MAP4: variants seen among roughly 807,000 people sequenced by gnomAD.
MAP4 encodes microtubule-associated protein 4.
In MAP4, 76 loss-of-function variants were observed where a neutral mutation model predicts 170.2. That is an observed-to-expected ratio of 0.45 (90% CI 0.37 to 0.54). The LOEUF is 0.54. Among genes scored for constraint, MAP4 ranks in the 20% least tolerant of loss-of-function variants. The pLI, the probability that MAP4 is intolerant of heterozygous loss-of-function variation, is 0.00. For synonymous variants in MAP4, 909 were observed against 994.5 expected, an observed-to-expected ratio of 0.91 and a Z score of 1.62; for missense variants, 2,506 against 2,748.0, an observed-to-expected ratio of 0.91 and a Z score of 1.97.
intron 3 of MAP4, among the ~76,000 whole-genome samples, chr3:47,942,715 C>T (rs1466351198): frequency 6.6e-6 from 1 of 152,196 alleles, no homozygotes; most frequent in Non-Finnish European, 1.5e-5. Context: ...CATATACATA[C>T]ATATCTTACA....
At chr3:48,047,720 G>A (rs1002832140) in intron 1 of MAP4, among the ~76,000 whole-genome samples, 1 of 152,098 alleles carries the variant, frequency 6.6e-6, no homozygotes, top group Non-Finnish European at 1.5e-5. Flanking sequence ...TAAACACATG[G>A]GTGTTTTGGT....
chr3:48,030,796 C>T (rs528315833), intron 1 of MAP4, among the ~76,000 whole-genome samples: 2 of 52,958 alleles, frequency 3.8e-5, no homozygotes, highest in South Asian at 1.4e-3. Context: ...AAGACTCCAT[C>T]TCAAAAAAAA....
intron 1 of MAP4, among the ~76,000 whole-genome samples, chr3:48,084,419 G>A (rs1339146781): frequency 2.7e-5 from 4 of 148,932 alleles, no homozygotes; most frequent in Non-Finnish European, 5.9e-5. Flanking sequence ...AAAGAATCAC[G>A]AAAGTAATTG....
chr3:47,953,774 G>T (rs1418510013), intron 3 of MAP4, among the ~76,000 whole-genome samples: 1 of 152,160 alleles, frequency 6.6e-6, no homozygotes, highest in African/African-American at 2.4e-5. Context: ...AGTACTTTGG[G>T]AGGCCGAGCC....
intron 3 of MAP4, among the ~76,000 whole-genome samples, chr3:47,945,165 C>G (rs921824541): frequency 4.0e-5 from 6 of 151,692 alleles, no homozygotes; most frequent in Non-Finnish European, 2.9e-5. Context: ...CCAGCCTGAC[C>G]CACAGGGTGA....
intron 3 of MAP4, among the ~76,000 whole-genome samples, chr3:47,976,146 A>T (rs910348049): frequency 6.6e-6 from 1 of 152,198 alleles, no homozygotes; most frequent in African/African-American, 2.4e-5. Context: ...CCAGGTGTGC[A>T]AACTATATGC....
chr3:47,973,595 A>G, intron 3 of MAP4: 14 of 984,984 alleles, frequency 1.4e-5, no homozygotes, highest in Non-Finnish European at 1.6e-5. Context: ...TCAAACAAAA[A>G]TAAGCATAAC....
intron 2 of MAP4, among the ~76,000 whole-genome samples, chr3:47,994,099 C>CAA (rs200347495): frequency 3.3e-5 from 5 of 151,454 alleles, no homozygotes; most frequent in Admixed American, 2.6e-4. Context: ...AAACTTAAAC[C>CAA]AAAAAAAACT....
At chr3:47,974,438 T>C (rs2100080744) in intron 3 of MAP4, 3 of 979,662 alleles carry the variant, frequency 3.1e-6, no homozygotes, top group Non-Finnish European at 3.6e-6. Context: ...CAAAAAACAA[T>C]GTATATCTCA....
chr3:47,916,218 G>A lies in MAP4; in HGVS notation c.1609C>T (p.Pro537Ser), dbSNP rs761081509. ...GTCAGGGCCACCTCCATTTCTGGAG[G>A]CAGACATACGTTCTTGATGAGAACT... The part of the protein sequence containing the change: ...EVVLIKNVCL[P>S]PEMEVALTED... Residue 537 changes from proline to serine, a missense_variant, in exon 7 of 21, where the codon CCT becomes TCT. Pro to Ser is a moderately conservative substitution (Grantham distance 74). Around this residue, in one of 3 missense-constraint regions of MAP4, gnomAD observed 2,008 missense variants for 2,206.0 expected, o/e 0.91. Coordinates refer to ENST00000683076, the MANE Select transcript of MAP4 (RefSeq NM_001385682.1). The A allele has an allele frequency of 1.2e-6, 2 of 1,614,078 alleles. No individual in the cohort carries two copies. Among genetic ancestry groups the A allele is most frequent in the Non-Finnish European group, 1.7e-6 (2 of 1,180,038 alleles).
intron 1 of MAP4, among the ~76,000 whole-genome samples, chr3:48,038,459 CTTTTTT>C (rs397989482): frequency 1.1e-4 from 14 of 121,990 alleles, no homozygotes; most frequent in Admixed American, 1.0e-3. Context: ...TGCACTGAAA[CTTTTTT>C]TTTTTTTTTT....
chr3:47,892,537 A>C, intron 10 of MAP4: 1 of 1,474,966 alleles, frequency 6.8e-7, no homozygotes. Flanking sequence ...TGGAGCTCTA[A>C]TACCACCTAC....
At chr3:47,918,348 G>C (rs2100040889) in intron 6 of MAP4, among the ~76,000 whole-genome samples, 2 of 151,794 alleles carry the variant, frequency 1.3e-5, no homozygotes, top group Admixed American at 6.6e-5. Flanking sequence ...TGGAACTCCT[G>C]ACCTCAAGTG....
Position 47,909,923 on chromosome 3 carries a change from C to G in MAP4, c.4498G>C (p.Val1500Leu). The G allele has an allele frequency of 6.2e-7, 1 of 1,613,990 alleles. No individual in the cohort carries two copies. The highest frequency in any genetic ancestry group is 1.7e-5 in the Admixed American group (1 of 60,020). Reference sequence around the variant, plus strand: ...ACTCCTCCTGTGCTTGTAGAGGGCACAACAGCAGAGGGACCCTTGGGTCTT... The same window carrying G: ...ACTCCTCCTGTGCTTGTAGAGGGCAGAACAGCAGAGGGACCCTTGGGTCTT... ...QERPKGPSAV[V>L]PSTSTGGVAL... The change falls in exon 9 of 21, where the codon GTG becomes CTG. Residue 1500 changes from valine (V) to leucine (L), a missense_variant. Physicochemically the swap from Val to Leu is conservative, Grantham distance 32 (BLOSUM62 1). Around this residue, in one of 3 missense-constraint regions of MAP4, gnomAD observed 2,008 missense variants for 2,206.0 expected, o/e 0.91. Coordinates refer to ENST00000683076, the MANE Select transcript of MAP4 (RefSeq NM_001385682.1).
At chr3:48,006,370 G>C (rs925386108) in intron 1 of MAP4, among the ~76,000 whole-genome samples, 13 of 152,162 alleles carry the variant, frequency 8.5e-5, no homozygotes. Flanking sequence ...GACTCCAGGG[G>C]ACTTAAAACA....
intron 1 of MAP4, among the ~76,000 whole-genome samples, chr3:48,048,891 A>C (rs147214013): frequency 6.6e-6 from 1 of 152,248 alleles, no homozygotes; most frequent in East Asian, 1.9e-4. Context: ...AAGATACAGA[A>C]CTGTTCTGCT....
intron 1 of MAP4, among the ~76,000 whole-genome samples, chr3:48,012,973 T>C (rs1324838206): frequency 1.3e-5 from 2 of 150,502 alleles, no homozygotes; most frequent in Admixed American, 1.3e-4. Flanking sequence ...GTACTGTTGT[T>C]TTTTTTTTCC....
chr3:47,935,263 A>T (rs2100052072), intron 3 of MAP4, among the ~76,000 whole-genome samples: 1 of 152,198 alleles, frequency 6.6e-6, no homozygotes. Context: ...CTAGGAAGAT[A>T]GAAGGATGTA....
At chr3:48,009,354 GC>G (rs2100104070) in intron 1 of MAP4, among the ~76,000 whole-genome samples, 1 of 152,190 alleles carries the variant, frequency 6.6e-6, no homozygotes, top group Non-Finnish European at 1.5e-5. Context: ...GCCTGCCTCG[GC>G]CTCCCAAAGT....
Sources: gnomAD v4.1 joint callset for allele counts (sites outside exome capture counted in the v4.1 genomes callset) on GRCh38, gnomAD v4.1.1 for gene constraint, gnomAD v4.1.1 regional missense constraint, MANE v1.5 for transcripts, NCBI Gene and HGNC (gene_info 2026-07-23, HGNC 2026-07-21) for gene names.